Variants in ASPM observed in about 807,000 individuals in gnomAD.
ASPM encodes assembly factor for spindle microtubules.
In ASPM, 256 loss-of-function variants were observed where a neutral mutation model predicts 366.4. The ratio of observed to expected loss-of-function variants is 0.70; its 90% confidence interval spans 0.63 to 0.77. ASPM has a LOEUF of 0.77. Ranked by LOEUF, ASPM falls within the 30% of genes least tolerant of loss-of-function variation. The pLI is 0.00. For synonymous variants in ASPM, 1,414 were observed against 1,342.9 expected (o/e 1.05, Z -1.16); for missense variants, 4,146 against 4,090.4 (o/e 1.01, Z -0.37).
rs1326257837 is a variant in ASPM, at chr1:197,143,187, T to G, written c.1065A>C (p.Ser355=). Residue 355 remains serine, a synonymous_variant, in exon 3 of 28, where the codon TCA becomes TCC. Coordinates refer to ENST00000367409, the MANE Select transcript of ASPM (RefSeq NM_018136.5). ...TCTGATAAATTTCATGTGCAATTGT[T>G]GATTCCAAATGCACAGGCTGTGAAT... ...KDNSQPVHLE[S]TIAHEIYQKI... 2.5e-6 allele frequency: 4 copies of G among 1,613,562 alleles called. No homozygotes were observed. The highest frequency in any genetic ancestry group is 3.4e-6 in the Non-Finnish European group (4 of 1,179,636).
In ASPM at chr1:197,100,481, T is replaced by C; in HGVS notation, c.8770A>G (p.Ile2924Val). The change falls in exon 18 of 28, where the codon ATA (isoleucine) becomes GTA (valine). Residue 2924 changes from isoleucine (I) to valine (V), a missense_variant. By Grantham distance (29) the Ile-to-Val change is conservative. Around this residue, in one of 3 missense-constraint regions of ASPM, gnomAD observed 3,624 missense variants for 3,591.7 expected, o/e 1.01. Coordinates refer to ENST00000367409, the MANE Select transcript of ASPM (RefSeq NM_018136.5). ...IIIQARSKGF[I>V]QKRKFQEIKN... The stretch of plus-strand genomic sequence containing the variant: ...ATTTCCTGAAACTTCCGTTTCTGTA[T>C]AAATCCTTTACTTCTAGCTTGAATA... 2 of 1,600,934 alleles carry C rather than the reference T, an allele frequency of 1.2e-6. No homozygotes were observed. The highest frequency in any genetic ancestry group is 8.5e-7 in the Non-Finnish European group (1 of 1,173,224).
chr1:197,096,552 A>G (rs1175346601), intron 18 of ASPM, among the ~76,000 whole-genome samples: 2 of 151,806 alleles, frequency 1.3e-5, no homozygotes, highest in African/African-American at 4.8e-5. Context: ...CTGGGGAGAA[A>G]GAGGAATTCT....
chr1:197,139,003 T>A (rs1472000556), intron 4 of ASPM: 1 of 723,924 alleles, frequency 1.4e-6, no homozygotes, highest in Admixed American at 2.1e-5. Context: ...ACATTGATCA[T>A]AGCACTCTTG....
intron 21 of ASPM, among the ~76,000 whole-genome samples, 169 bp downstream of exon 21, chr1:197,092,883 T>A (rs1656828658): frequency 6.6e-6 from 1 of 151,850 alleles, no homozygotes; most frequent in Admixed American, 6.6e-5. Flanking sequence ...AGAAAAAAAA[T>A]TTGACAGTCA....
At chr1:197,138,260 A>G (rs1658478103) in intron 4 of ASPM, among the ~76,000 whole-genome samples, 2 of 152,242 alleles carry the variant, frequency 1.3e-5, no homozygotes, top group African/African-American at 4.8e-5. Flanking sequence ...GCCAGGATAC[A>G]GAATCTGAAA....
chr1:197,112,728 G>C (rs921258831), intron 17 of ASPM, among the ~76,000 whole-genome samples: 2 of 152,028 alleles, frequency 1.3e-5, no homozygotes, highest in Non-Finnish European at 2.9e-5. Context: ...TTTGTCTCAA[G>C]TTATCCTGAC....
chr1:197,108,925 T>C (rs1657494271), intron 17 of ASPM, among the ~76,000 whole-genome samples: 1 of 146,986 alleles, frequency 6.8e-6, no homozygotes, highest in Admixed American at 6.9e-5. Flanking sequence ...GAGCTGTGTT[T>C]GCACCACTGT....
chr1:197,133,974 C>T (rs1658343720), intron 5 of ASPM, among the ~76,000 whole-genome samples: 1 of 152,080 alleles, frequency 6.6e-6, no homozygotes, highest in Non-Finnish European at 1.5e-5. Context: ...TTATAAAACA[C>T]ATTTTCTTTT....
intron 17 of ASPM, among the ~76,000 whole-genome samples, chr1:197,116,626 A>C (rs1406724633): frequency 6.6e-6 from 1 of 152,098 alleles, no homozygotes; most frequent in Non-Finnish European, 1.5e-5. Context: ...GACTGAATAC[A>C]TTTCACACCA....
chr1:197,142,545 A>C lies in ASPM; in HGVS notation c.1707T>G (p.Ala569=), dbSNP rs1458914144. The change falls in exon 3 of 28, where the codon GCT becomes GCG. Residue 569 remains alanine (A), a synonymous_variant. Transcript: ENST00000367409. ...CGCTCTTTCTTTTCCGAGCAACTGA[A>C]GCTGTTGTCGAAGAGGGTGTTACCT... ...KNEVTPSSTT[A]SVARKRKSDG... The C allele has an allele frequency of 1.9e-6, 3 of 1,614,050 alleles. No homozygotes were observed. The South Asian group carries it at 3.3e-5, about 18-fold the overall frequency.
intron 1 of ASPM, among the ~76,000 whole-genome samples, chr1:197,145,201 G>T (rs1658728455): frequency 6.6e-6 from 1 of 152,020 alleles, no homozygotes; most frequent in South Asian, 2.1e-4. Context: ...CTCGGCTAAC[G>T]GTTTTCATAC....
chr1:197,144,362 A>AC, intron 1 of ASPM, among the ~76,000 whole-genome samples: 1 of 152,214 alleles, frequency 6.6e-6, no homozygotes, highest in African/African-American at 2.4e-5. Context: ...TAGTCTCTAA[A>AC]TCATTTTGTT....
In ASPM at chr1:197,084,490, T is replaced by G. The variant is rs766912708; in HGVS notation, c.10332-64A>C. On this transcript the variant is annotated intron_variant, in intron 27 of 27. Transcript: ENST00000367409. ...TCTTCTCTTTAGAGTTACCTTCACCTTTTTTCTCTTAACTAAATTGTAGCT... is the reference window on the plus strand; with the variant it reads ...TCTTCTCTTTAGAGTTACCTTCACCGTTTTTCTCTTAACTAAATTGTAGCT... 237 of 1,103,316 alleles carry G rather than the reference T, an allele frequency of 2.1e-4. 1 individual carries two copies. Among genetic ancestry groups the G allele is most frequent in the Non-Finnish European group, 2.9e-4 (212 of 737,234 alleles). The allele number at this position is 1,103,316 out of a possible 1,614,324, so 68.3% of individuals were successfully genotyped here.
In ASPM at chr1:197,094,051, T is replaced by A. The variant is rs545923888; in HGVS notation, c.9084+33A>T. On this transcript the variant is annotated intron_variant, in intron 20 of 27. Transcript: ENST00000367409. ...CTTTGTTTTCTATTTCCTAAAGTAG[T>A]TATTTGCAAGTGAATTAATTTTTAA... is the stretch of plus-strand genomic sequence containing the variant. 5 of 1,223,770 alleles carry A rather than the reference T, an allele frequency of 4.1e-6. No homozygotes were observed. The East Asian group carries it at 1.2e-4, about 29-fold the overall frequency. The allele number at this position is 1,223,770 out of a possible 1,614,324, so 75.8% of individuals were successfully genotyped here. A position where few individuals can be genotyped will look rare whatever the true frequency, so the allele number is the denominator to read the frequency against.
In ASPM at chr1:197,100,502, G is replaced by T; in HGVS notation, c.8749C>A (p.Gln2917Lys). The T allele has an allele frequency of 6.2e-7, 1 of 1,608,986 alleles. No homozygotes were observed. The highest frequency in any genetic ancestry group is 1.1e-5 in the South Asian group (1 of 90,570). ...LQIRSSVIII[Q>K]ARSKGFIQKR... is the part of the protein sequence containing the mutation. ...TGTATAAATCCTTTACTTCTAGCTTGAATAATGATAACACTGCTTCTGATC... is the reference window on the plus strand; with the variant it reads ...TGTATAAATCCTTTACTTCTAGCTTTAATAATGATAACACTGCTTCTGATC... The change falls in exon 18 of 28, where the codon CAA becomes AAA. Residue 2917 changes from glutamine (Q) to lysine (K), a missense_variant. Transcript: ENST00000367409.
rs762125847 is a variant in ASPM at position 197,101,026 on chromosome 1, A to T, written c.8225T>A (p.Val2742Glu). Residue 2742 changes from valine to glutamate, a missense_variant, in exon 18 of 28, where the codon GTA (valine) becomes GAA (glutamate). Val to Glu is a moderately radical substitution (Grantham distance 121). Around this residue, in one of 3 missense-constraint regions of ASPM, gnomAD observed 3,624 missense variants for 3,591.7 expected, o/e 1.01. Transcript: ENST00000367409. ...TCTAAAAGCAGCCTGAATAGTTCGT[A>T]CAGATTTCTGAACTGCTAAAAAGTT... ...RKNFLAVQKS[V>E]RTIQAAFRGM... The T allele has an allele frequency of 1.9e-6, 3 of 1,612,094 alleles. No homozygotes were observed. Among genetic ancestry groups the T allele is most frequent in the Non-Finnish European group, 2.5e-6 (3 of 1,179,046 alleles).
chr1:197,140,349 C>T (rs1197541782), intron 3 of ASPM, among the ~76,000 whole-genome samples: 2 of 152,168 alleles, frequency 1.3e-5, no homozygotes, highest in South Asian at 2.1e-4. Context: ...GCAAAGAATA[C>T]ACGTAGGAAA....
In ASPM at chr1:197,130,047, C is replaced by T; in HGVS notation, c.2497G>A (p.Gly833Arg). ...WLRIGLETTY[G>R]ELISLEDNSD... ...TTATCTTCCAAAGATATGAGTTCTC[C>T]ATAAGTTGTCTGAAAATAAATTAAA... The change falls in exon 8 of 28, where the codon GGA becomes AGA. Residue 833 changes from glycine to arginine, a missense_variant. Coordinates refer to ENST00000367409, the MANE Select transcript of ASPM (RefSeq NM_018136.5). 6.2e-7 allele frequency: 1 copy of T among 1,613,634 alleles called. No individual in the cohort carries two copies. The highest frequency in any genetic ancestry group is 2.2e-5 in the East Asian group (1 of 44,834).
At position 197,100,562 on chromosome 1, in the gene ASPM, G is replaced by C. The variant is rs1327408242; in HGVS notation, c.8689C>G (p.Leu2897Val). Residue 2897 changes from leucine to valine, a missense_variant, in exon 18 of 28, where the codon CTG becomes GTG. Physicochemically the swap from Leu to Val is conservative, Grantham distance 32. Transcript: ENST00000367409. ...ACTTGTCTTTGATGTTTTGCAGACA[G>C]AAATGCTCTGTAGTGATTTTGTAAA... ...VVLQNHYRAF[L>V]SAKHQRQVYL... 1 of 1,611,846 alleles carries C rather than the reference G, an allele frequency of 6.2e-7. No individual in the cohort carries two copies. The highest frequency in any genetic ancestry group is 1.1e-5 in the South Asian group (1 of 91,020).
Sources: allele counts gnomAD v4.1 joint callset (sites outside exome capture counted in the v4.1 genomes callset), GRCh38; gene constraint gnomAD v4.1.1; regional missense constraint gnomAD v4.1.1; transcripts MANE v1.5; gene names NCBI Gene and HGNC (gene_info 2026-07-23, HGNC 2026-07-21).